The following RAB5C variants were observed in gnomAD, a reference collection of about 807,000 sequenced individuals.
RAB5C encodes ras-related protein Rab-5C.
A neutral mutation model predicts 25.2 loss-of-function variants in RAB5C; 4 were observed. The observed-to-expected ratio is 0.16, with a 90% CI of 0.08 to 0.36. The LOEUF is 0.36. Ranked by LOEUF, RAB5C falls within the 10% of genes least tolerant of loss-of-function variation. RAB5C has a pLI of 1.00. For missense variants in RAB5C, 199 were observed against 283.8 expected (o/e 0.70, Z 2.15); for synonymous variants, 100 against 106.4 (o/e 0.94, Z 0.37).
chr17:42,144,024 G>T (rs1372115344), intron 1 of RAB5C, among the ~76,000 whole-genome samples: 2 of 152,076 alleles, frequency 1.3e-5, no homozygotes, highest in Non-Finnish European at 2.9e-5. Flanking sequence ...GGCCTCAGGT[G>T]ATCCGCCCAT....
chr17:42,135,423 A>T (rs969000121), intron 1 of RAB5C, among the ~76,000 whole-genome samples: 12 of 152,062 alleles, frequency 7.9e-5, no homozygotes, highest in African/African-American at 2.9e-4. Flanking sequence ...GGCCTTTAGA[A>T]AATACCCTGA....
Position 42,130,569 on chromosome 17 carries a change from TAG to T in RAB5C, c.-69_-68del. 10 of 1,592,904 alleles carry T rather than the reference TAG, an allele frequency of 6.3e-6. No homozygotes were observed. The highest frequency in any genetic ancestry group is 8.6e-6 in the Non-Finnish European group (10 of 1,167,968). ...GACTGGTGCTATGCAAAGAGGCACT[TAG>T]TGGGGAGGGGGACCTCCAACTGTAA... On this transcript the variant is annotated 5_prime_UTR_variant, in exon 2 of 6. Transcript: ENST00000346213.
intron 1 of RAB5C, among the ~76,000 whole-genome samples, chr17:42,149,201 C>T (rs1220672595): frequency 6.6e-6 from 1 of 152,146 alleles, no homozygotes; most frequent in Non-Finnish European, 1.5e-5. Flanking sequence ...CAAACAGCCC[C>T]AACATATGTA....
chr17:42,143,501 G>T (rs1452698202), intron 1 of RAB5C, among the ~76,000 whole-genome samples: 1 of 152,130 alleles, frequency 6.6e-6, no homozygotes, highest in Admixed American at 6.5e-5. Context: ...GCCAGGCATG[G>T]TAGCGTGCAC....
chr17:42,130,434 C>G lies in RAB5C; in HGVS notation c.69G>C (p.Lys23Asn). 6.2e-7 allele frequency: 1 copy of G among 1,614,202 alleles called. No homozygotes were observed. The highest frequency in any genetic ancestry group is 8.5e-7 in the Non-Finnish European group (1 of 1,180,040). ...CCGCAGACTCCCCCAGCAGAACCAG[C>G]TTAAATTGACAGATCTTGTTCCCAG... ...PAAGNKICQFKLVLLGESAVG... is the reference protein window; with the variant it reads ...PAAGNKICQFNLVLLGESAVG... Residue 23 changes from lysine to asparagine, a missense_variant, in exon 2 of 6, where the codon AAG (lysine) becomes AAC (asparagine). Coordinates refer to ENST00000346213, the MANE Select transcript of RAB5C (RefSeq NM_004583.4).
rs373773818 is a variant in RAB5C at position 42,126,780 on chromosome 17, G to C, written c.510C>G (p.Asn170Lys). The C allele has an allele frequency of 1.2e-6, 2 of 1,612,728 alleles. No homozygotes were observed. Among genetic ancestry groups the C allele is most frequent in the African/African-American group, 2.7e-5 (2 of 74,850 alleles). Reference sequence around the variant, plus strand: ...CTATTGCCATGAAGATTTCGTTCACGTTCATTGCAGTCTTTGCTGATGTCT... The same window carrying C: ...CTATTGCCATGAAGATTTCGTTCACCTTCATTGCAGTCTTTGCTGATGTCT... ...FMETSAKTAM[N>K]VNEIFMAIAK... Residue 170 changes from asparagine (N) to lysine (K), a missense_variant, in exon 5 of 6, where the codon AAC becomes AAG. Around this residue, in one of 3 missense-constraint regions of RAB5C, gnomAD observed 154 missense variants for 199.6 expected, o/e 0.77. Coordinates refer to ENST00000346213, the MANE Select transcript of RAB5C (RefSeq NM_004583.4).
At chr17:42,140,383 C>A (rs1453958610) in intron 1 of RAB5C, among the ~76,000 whole-genome samples, 1 of 150,424 alleles carries the variant, frequency 6.6e-6, no homozygotes, top group East Asian at 2.0e-4. Context: ...CCGTGGTCAG[C>A]GGCTATGCAA....
intron 1 of RAB5C, among the ~76,000 whole-genome samples, chr17:42,138,632 A>G (rs1248534315): frequency 6.6e-6 from 1 of 152,122 alleles, no homozygotes; most frequent in Non-Finnish European, 1.5e-5. Flanking sequence ...TTCTTTTTTC[A>G]ATAAGATTTC....
In RAB5C at chr17:42,125,678, GCC is replaced by G; in HGVS notation, c.*103_*104del. On this transcript the variant is annotated 3_prime_UTR_variant, in exon 6 of 6. Transcript: ENST00000346213. Reference sequence around the variant, plus strand: ...GAAATCATGGTGGACCCCTCCCCCTGCCCCCCCAGTGGTGGCCCGAGTCGTTA... The same window carrying G: ...GAAATCATGGTGGACCCCTCCCCCTGCCCCCAGTGGTGGCCCGAGTCGTTA... 2 of 736,862 alleles carry G rather than the reference GCC, an allele frequency of 2.7e-6. No individual in the cohort carries two copies. Among genetic ancestry groups the G allele is most frequent in the Non-Finnish European group, 2.2e-6 (1 of 445,248 alleles). The allele number at this position is 736,862 out of a possible 1,614,324, so 45.6% of individuals were successfully genotyped here.
intron 1 of RAB5C, among the ~76,000 whole-genome samples, chr17:42,147,424 G>A (rs1289438184): frequency 6.6e-6 from 1 of 152,196 alleles, no homozygotes; most frequent in Non-Finnish European, 1.5e-5. Flanking sequence ...CTGGTCTGGG[G>A]TCGGTGCTGC....
In RAB5C at chr17:42,129,890, A is replaced by G. The variant is rs2054467492; in HGVS notation, c.166+447T>C. On this transcript the variant is annotated intron_variant, in intron 2 of 5. Coordinates refer to ENST00000346213, the MANE Select transcript of RAB5C (RefSeq NM_004583.4). ...TCAACAACAGGCTGTGAGCTCCAGAAAGGGTAAAGTCAGCTTCAGAAACAC... is the reference window on the plus strand; with the variant it reads ...TCAACAACAGGCTGTGAGCTCCAGAGAGGGTAAAGTCAGCTTCAGAAACAC... Among the ~76,000 whole-genome samples the G allele has an allele frequency of 3.9e-5, 6 of 152,346 alleles. No homozygotes were observed. In the South Asian group the frequency reaches 1.2e-3, roughly 32 times the overall value.
rs1447466354 is a variant in RAB5C, at chr17:42,130,582, G to A, written c.-80C>T. 3.2e-6 allele frequency: 5 copies of A among 1,582,160 alleles called. No individual in the cohort carries two copies. Among genetic ancestry groups the A allele is most frequent in the East Asian group, 2.3e-5 (1 of 44,012 alleles). On this transcript the variant is annotated 5_prime_UTR_variant, in exon 2 of 6. Coordinates refer to ENST00000346213, the MANE Select transcript of RAB5C (RefSeq NM_004583.4). ...CAAAGAGGCACTTAGTGGGGAGGGG[G>A]ACCTCCAACTGTAAGGGAGAAATGA...
chr17:42,134,541 C>A (rs1304143334), intron 1 of RAB5C, among the ~76,000 whole-genome samples: 1 of 152,156 alleles, frequency 6.6e-6, no homozygotes, highest in Non-Finnish European at 1.5e-5. Flanking sequence ...CGCGCCATTG[C>A]ACTCCAGCTT....
intron 1 of RAB5C, among the ~76,000 whole-genome samples, chr17:42,139,355 C>A (rs184105913): frequency 6.6e-6 from 1 of 152,236 alleles, no homozygotes; most frequent in Non-Finnish European, 1.5e-5. Flanking sequence ...GCCAGCCTAC[C>A]GATTCCAAAA....
At chr17:42,137,394 T>C (rs12325861) in intron 1 of RAB5C, among the ~76,000 whole-genome samples, 42,742 of 151,414 alleles carry the variant, frequency 0.28, 8,283 homozygotes, top group African/African-American at 0.56. Context: ...TATAATAATA[T>C]AAAAACCCAT....
At chr17:42,131,983 A>C (rs1321200919) in intron 1 of RAB5C, among the ~76,000 whole-genome samples, 1 of 152,184 alleles carries the variant, frequency 6.6e-6, no homozygotes, top group Non-Finnish European at 1.5e-5. Context: ...GGTTTTTATT[A>C]GGCTGCCCTT....
chr17:42,126,525 G>A (rs1033887071), intron 5 of RAB5C: 2 of 260,248 alleles, frequency 7.7e-6, no homozygotes, highest in African/African-American at 2.3e-5. Flanking sequence ...CCAGCTGCTC[G>A]AGAGGCTGAG....
chr17:42,149,778 T>C (rs917183638), intron 1 of RAB5C, among the ~76,000 whole-genome samples: 1 of 151,816 alleles, frequency 6.6e-6, no homozygotes, highest in Non-Finnish European at 1.5e-5. Flanking sequence ...GTCTACAAAA[T>C]GAGACAATTT....
In RAB5C at chr17:42,153,694, A is replaced by G. The variant is rs992325344; in HGVS notation, c.-89+1199T>C. On this transcript the variant is annotated intron_variant, in intron 1 of 5. Coordinates refer to ENST00000346213, the MANE Select transcript of RAB5C (RefSeq NM_004583.4). ...GCCAGGCTACTCCTCGTTAAGGTACAGTCTCCGGCCTGTACTTTGGCCACA... is the reference window on the plus strand; with the variant it reads ...GCCAGGCTACTCCTCGTTAAGGTACGGTCTCCGGCCTGTACTTTGGCCACA... 3.3e-5 allele frequency among the ~76,000 whole-genome samples: 5 copies of G among 152,194 alleles called. No homozygotes were observed. In the East Asian group the frequency reaches 7.7e-4, roughly 23 times the overall value.
Sources: gnomAD v4.1 joint callset for allele counts (sites outside exome capture counted in the v4.1 genomes callset) on GRCh38, gnomAD v4.1.1 for gene constraint, gnomAD v4.1.1 regional missense constraint, MANE v1.5 for transcripts, NCBI Gene and HGNC (gene_info 2026-07-23, HGNC 2026-07-21) for gene names.